The following ACER3 variants were observed in gnomAD, a reference collection of about 807,000 sequenced individuals.
The protein encoded by ACER3 is alkaline ceramidase 3, also known as alkCDase 3.
In ACER3, 16 loss-of-function variants were observed where a neutral mutation model predicts 48.9. The ratio of observed to expected loss-of-function variants is 0.33; its 90% CI spans 0.22 to 0.50. The LOEUF is 0.50. Among genes scored for constraint, ACER3 ranks in the 20% least tolerant of loss-of-function variants. The pLI, the probability that ACER3 is intolerant of heterozygous loss-of-function variation, is 0.98. For synonymous variants in ACER3, 109 were observed against 107.8 expected, an observed-to-expected ratio of 1.01 and a Z score of -0.07; for missense variants, 227 against 326.0, an observed-to-expected ratio of 0.70 and a Z score of 2.34.
At chr11:76,924,201 G>T (rs1322535954) in intron 1 of ACER3, among the ~76,000 whole-genome samples, 1 of 151,880 alleles carries the variant, frequency 6.6e-6, no homozygotes, top group Non-Finnish European at 1.5e-5. Context: ...GATGTCTATT[G>T]TCTTGAAAAT....
At position 76,887,174 on chromosome 11, in the gene ACER3, C is replaced by T. The variant is rs867819044; in HGVS notation, c.103+26095C>T. ...ACTTGGGAGGCTGAGGTAGGAAGGT[C>T]GCTTGGGAGGTTGAGGCTGCAGTGA... On this transcript the variant is annotated intron_variant, in intron 1 of 10. Transcript: ENST00000532485. Among the ~76,000 whole-genome samples, 16 of 152,190 alleles carry T rather than the reference C, an allele frequency of 1.1e-4. 2 individuals are homozygous for T. The South Asian group carries it at 2.3e-3, about 22-fold the overall frequency.
At chr11:76,881,546 C>T (rs1363120696) in intron 1 of ACER3, among the ~76,000 whole-genome samples, 1 of 152,008 alleles carries the variant, frequency 6.6e-6, no homozygotes, top group African/African-American at 2.4e-5. Context: ...TTTCACAGCC[C>T]ACTTCATGGA....
intron 2 of ACER3, among the ~76,000 whole-genome samples, chr11:76,950,397 ATATATATATATAT>A (rs1947626066): frequency 3.3e-5 from 1 of 30,674 alleles, no homozygotes; most frequent in Admixed American, 2.5e-4. Flanking sequence ...ATATATATAT[ATATATATATATAT>A]AATTTACACA....
At chr11:76,987,094 A>C (rs914857989) in intron 5 of ACER3, among the ~76,000 whole-genome samples, 1 of 152,228 alleles carries the variant, frequency 6.6e-6, no homozygotes, top group African/African-American at 2.4e-5. Context: ...AGAAAAAGGT[A>C]GTGTGGAGCC....
At chr11:76,930,714 C>T (rs1310813796) in intron 2 of ACER3, among the ~76,000 whole-genome samples, 1 of 152,042 alleles carries the variant, frequency 6.6e-6, no homozygotes, top group African/African-American at 2.4e-5. Context: ...GCCTTCATTT[C>T]GTTATGTACC....
chr11:76,980,583 G>C (rs1435263342), intron 4 of ACER3, among the ~76,000 whole-genome samples: 2 of 152,108 alleles, frequency 1.3e-5, no homozygotes, highest in African/African-American at 4.8e-5. Flanking sequence ...GGCTAAGGCA[G>C]AAGGACTGCC....
chr11:76,950,643 T>C (rs996745733), intron 2 of ACER3, among the ~76,000 whole-genome samples: 1 of 151,326 alleles, frequency 6.6e-6, no homozygotes, highest in Non-Finnish European at 1.5e-5. Context: ...TTACATTTTT[T>C]GTAGAGACAT....
intron 1 of ACER3, among the ~76,000 whole-genome samples, chr11:76,897,402 A>C (rs1167150154): frequency 6.6e-6 from 1 of 152,246 alleles, no homozygotes; most frequent in East Asian, 1.9e-4. Flanking sequence ...GCCATCATAC[A>C]TTAAGATCCA....
intron 1 of ACER3, among the ~76,000 whole-genome samples, chr11:76,914,240 CTA>C (rs1164255880): frequency 6.6e-6 from 1 of 152,156 alleles, no homozygotes; most frequent in Non-Finnish European, 1.5e-5. Context: ...GCAAAAGAAA[CTA>C]TCATCAGAGT....
At chr11:76,951,326 C>T (rs1317349473) in intron 2 of ACER3, among the ~76,000 whole-genome samples, 1 of 152,152 alleles carries the variant, frequency 6.6e-6, no homozygotes, top group East Asian at 1.9e-4. Context: ...TTACTCTCCC[C>T]TCCTCCATTA....
At chr11:76,988,218 G>A (rs1303673394) in intron 5 of ACER3, among the ~76,000 whole-genome samples, 2 of 152,178 alleles carry the variant, frequency 1.3e-5, no homozygotes, top group Admixed American at 1.3e-4. Context: ...GTGAATTGAT[G>A]GAGGCAAAAG....
chr11:76,872,909 T>TC (rs1229439425), intron 1 of ACER3, among the ~76,000 whole-genome samples: 85 of 83,488 alleles, frequency 1.0e-3, no homozygotes, highest in African/African-American at 2.7e-3. Flanking sequence ...TTTTTTCTTT[T>TC]TCTTTTTTTT....
intron 2 of ACER3, among the ~76,000 whole-genome samples, chr11:76,927,459 T>C (rs192000442): frequency 3.4e-4 from 11 of 32,252 alleles, no homozygotes; most frequent in Admixed American, 3.0e-3. Flanking sequence ...TTCTATTCTG[T>C]TTTTTTTATT....
At chr11:76,935,265 C>T (rs1000578079) in intron 2 of ACER3, among the ~76,000 whole-genome samples, 8 of 151,984 alleles carry the variant, frequency 5.3e-5, no homozygotes, top group African/African-American at 1.7e-4. Context: ...AAAGATCCAA[C>T]GTGCATATAA....
At chr11:76,877,551 AG>A (rs1292360349) in intron 1 of ACER3, among the ~76,000 whole-genome samples, 1 of 151,886 alleles carries the variant, frequency 6.6e-6, no homozygotes, top group African/African-American at 2.4e-5. Context: ...AGCAGATATG[AG>A]GGCAATCTGT....
At chr11:76,969,967 A>AT (rs397802114) in intron 3 of ACER3, among the ~76,000 whole-genome samples, 1 of 151,246 alleles carries the variant, frequency 6.6e-6, no homozygotes, top group Non-Finnish European at 1.5e-5. Context: ...TAAAAAAAAA[A>AT]GAAACCTGTT....
At chr11:76,898,548 G>A (rs113826945) in intron 1 of ACER3, among the ~76,000 whole-genome samples, 4,058 of 152,212 alleles carry the variant, frequency 0.027, 74 homozygotes, top group Middle Eastern at 0.044. Flanking sequence ...CAGTAAGTAA[G>A]AAGATATAAT....
At chr11:76,888,152 T>C (rs962371693) in intron 1 of ACER3, among the ~76,000 whole-genome samples, 3 of 152,158 alleles carry the variant, frequency 2.0e-5, no homozygotes, top group Non-Finnish European at 2.9e-5. Flanking sequence ...GTTATATGTA[T>C]GGTAAGCATG....
At chr11:76,889,247 G>A (rs1305168652) in intron 1 of ACER3, among the ~76,000 whole-genome samples, 2 of 151,914 alleles carry the variant, frequency 1.3e-5, no homozygotes, top group African/African-American at 4.8e-5. Context: ...TCATAACTGA[G>A]GTATTACTGT....
Sources: allele counts gnomAD v4.1 joint callset (sites outside exome capture counted in the v4.1 genomes callset), GRCh38; gene constraint gnomAD v4.1.1; transcripts MANE v1.5; gene names NCBI Gene and HGNC (gene_info 2026-07-23, HGNC 2026-07-21).